The following MCTP1 variants were observed in gnomAD, a reference collection of about 807,000 sequenced individuals.
MCTP1 encodes multiple C2 and transmembrane domain-containing protein 1.
Under a neutral mutation model 120.6 loss-of-function variants are expected in MCTP1, and 69 were observed. The observed-to-expected ratio is 0.57, with a 90% CI of 0.47 to 0.70. MCTP1 has a LOEUF of 0.70. MCTP1 is among the 30% of genes least tolerant of loss of function. MCTP1 has a pLI of 0.00. For synonymous variants in MCTP1, 529 were observed against 493.1 expected (o/e 1.07, Z -0.96); for missense variants, 1,203 against 1,248.8 (o/e 0.96, Z 0.55).
chr5:95,041,524 A>T (rs533905157), intron 1 of MCTP1, among the ~76,000 whole-genome samples: 1 of 152,140 alleles, frequency 6.6e-6, no homozygotes, highest in South Asian at 2.1e-4. Flanking sequence ...AACCTTTCTC[A>T]TGAGAAAGAT....
chr5:95,130,346 T>C (rs895000918), intron 1 of MCTP1, among the ~76,000 whole-genome samples: 3 of 152,184 alleles, frequency 2.0e-5, no homozygotes, highest in Admixed American at 2.0e-4. Context: ...AGTAAGTTCA[T>C]AAGCAAAGCA....
chr5:94,957,655 TA>T lies in MCTP1; in HGVS notation c.839-4295del, dbSNP rs954241077. Among the ~76,000 whole-genome samples, 749 of 149,506 alleles carry T rather than the reference TA, an allele frequency of 5.0e-3. 6 individuals are homozygous for T. Among genetic ancestry groups the T allele is most frequent in the African/African-American group, 0.017 (696 of 40,760 alleles). ...AAACAGATTTTACACCAATGAAGAT[TA>T]AAAAAAAAGAGAAAGAAGGGAATTA... On this transcript the variant is annotated intron_variant, in intron 2 of 22. Coordinates refer to ENST00000515393, the MANE Select transcript of MCTP1 (RefSeq NM_024717.7).
intron 19 of MCTP1, among the ~76,000 whole-genome samples, chr5:94,743,889 T>G (rs1367106050): frequency 6.6e-6 from 1 of 152,036 alleles, no homozygotes; most frequent in Non-Finnish European, 1.5e-5. Flanking sequence ...TCTGTCCACC[T>G]CGGTCTCCCA....
intron 1 of MCTP1, among the ~76,000 whole-genome samples, chr5:95,022,495 T>C: frequency 6.6e-6 from 1 of 152,212 alleles, no homozygotes; most frequent in East Asian, 1.9e-4. Context: ...ATATTTGTCA[T>C]TTTAAATTAT....
chr5:94,729,816 TGAG>T lies in MCTP1; in HGVS notation c.2611-14933_2611-14931del, dbSNP rs891011624. ...CACAGAGGGAGGCTTGTAACCAGAATGAGGAGTAGAGATTTTATTCCAAAGCAT... is the reference window on the plus strand; with the variant it reads ...CACAGAGGGAGGCTTGTAACCAGAATGAGTAGAGATTTTATTCCAAAGCAT... On this transcript the variant is annotated intron_variant, in intron 19 of 22. Coordinates refer to ENST00000515393, the MANE Select transcript of MCTP1 (RefSeq NM_024717.7). Among the ~76,000 whole-genome samples the T allele has an allele frequency of 1.8e-4, 27 of 152,246 alleles. No individual in the cohort carries two copies. The East Asian group carries it at 4.4e-3, about 25-fold the overall frequency.
At chr5:95,010,129 T>G (rs2153655487) in intron 2 of MCTP1, among the ~76,000 whole-genome samples, 1 of 152,280 alleles carries the variant, frequency 6.6e-6, no homozygotes, top group South Asian at 2.1e-4. Context: ...CAATTTTCAT[T>G]AATTCTAATA....
intron 1 of MCTP1, among the ~76,000 whole-genome samples, chr5:95,181,917 G>C (rs762841611): frequency 6.6e-5 from 10 of 152,152 alleles, no homozygotes; most frequent in Non-Finnish European, 1.2e-4. Flanking sequence ...ATGGACTTTG[G>C]ATGCCTCTTT....
intron 1 of MCTP1, among the ~76,000 whole-genome samples, chr5:95,254,731 A>G (rs1757707411): frequency 6.6e-6 from 1 of 152,224 alleles, no homozygotes; most frequent in African/African-American, 2.4e-5. Context: ...CTCTCTATGT[A>G]CTATATAGAT....
At chr5:94,972,836 A>T (rs1827199929) in intron 2 of MCTP1, among the ~76,000 whole-genome samples, 1 of 152,056 alleles carries the variant, frequency 6.6e-6, no homozygotes. Flanking sequence ...CAGTTTAATA[A>T]GACTATGGGG....
At chr5:95,169,777 CT>C (rs1746974779) in intron 1 of MCTP1, among the ~76,000 whole-genome samples, 1 of 151,830 alleles carries the variant, frequency 6.6e-6, no homozygotes, top group Non-Finnish European at 1.5e-5. Flanking sequence ...CTATTTGATT[CT>C]TCTGTCTTCT....
At chr5:94,994,317 G>A (rs1481535041) in intron 2 of MCTP1, among the ~76,000 whole-genome samples, 1 of 152,172 alleles carries the variant, frequency 6.6e-6, no homozygotes, top group Admixed American at 6.5e-5. Flanking sequence ...TATCTAGAGA[G>A]TGTCTTAAAT....
chr5:94,968,359 T>C (rs537436650), intron 2 of MCTP1, among the ~76,000 whole-genome samples: 1 of 152,314 alleles, frequency 6.6e-6, no homozygotes, highest in African/African-American at 2.4e-5. Context: ...TTACTAAGTT[T>C]TTTTGACTAT....
chr5:95,109,867 C>A, intron 1 of MCTP1, among the ~76,000 whole-genome samples: 1 of 152,134 alleles, frequency 6.6e-6, no homozygotes, highest in East Asian at 1.9e-4. Context: ...CATAAATTCC[C>A]ATTTCCTTTT....
intron 1 of MCTP1, among the ~76,000 whole-genome samples, chr5:95,102,102 C>T (rs990370160): frequency 2.6e-5 from 4 of 152,106 alleles, no homozygotes; most frequent in African/African-American, 9.7e-5. Context: ...CTTTCCCTCC[C>T]CTTGAATGGA....
intron 1 of MCTP1, among the ~76,000 whole-genome samples, chr5:95,112,324 A>G (rs1221824549): frequency 6.6e-6 from 1 of 152,220 alleles, no homozygotes; most frequent in Non-Finnish European, 1.5e-5. Context: ...CATGGATTTA[A>G]TCACTTTATT....
intron 2 of MCTP1, among the ~76,000 whole-genome samples, chr5:95,016,035 T>C (rs1202410930): frequency 1.3e-5 from 2 of 152,150 alleles, no homozygotes; most frequent in Admixed American, 6.6e-5. Context: ...TTATCTAATT[T>C]GTGTCTTCTT....
At chr5:94,736,326 GA>G (rs973668684) in intron 19 of MCTP1, among the ~76,000 whole-genome samples, 1 of 151,720 alleles carries the variant, frequency 6.6e-6, no homozygotes, top group Non-Finnish European at 1.5e-5. Context: ...CTGTCTGTAT[GA>G]AAAAAAACTA....
At chr5:95,212,659 T>A (rs989798963) in intron 1 of MCTP1, among the ~76,000 whole-genome samples, 11 of 151,420 alleles carry the variant, frequency 7.3e-5, no homozygotes, top group African/African-American at 2.4e-4. Context: ...AAAAAGCTTA[T>A]CCACCATGAT....
chr5:94,791,112 C>CAAAAAAAAAAAAAAAAAAAA (rs60394333), intron 18 of MCTP1, among the ~76,000 whole-genome samples: 4 of 99,656 alleles, frequency 4.0e-5, no homozygotes, highest in African/African-American at 7.8e-5. Context: ...GTCTCTACTA[C>CAAAAAAAAAAAAAAAAAAAA]AAAAAAAAAA....
Sources: allele counts gnomAD v4.1 joint callset (sites outside exome capture counted in the v4.1 genomes callset), GRCh38; gene constraint gnomAD v4.1.1; transcripts MANE v1.5; gene names NCBI Gene and HGNC (gene_info 2026-07-23, HGNC 2026-07-21).